The following PLXNC1 variants were observed in gnomAD, a reference collection of about 807,000 sequenced individuals.
PLXNC1 encodes plexin-C1.
PLXNC1 carries 75 observed loss-of-function variants against 178.2 expected under a neutral mutation model. The ratio of observed to expected loss-of-function variants is 0.42; its 90% CI spans 0.35 to 0.51. PLXNC1 has a LOEUF of 0.51. Ranked by LOEUF, PLXNC1 falls within the 20% of genes least tolerant of loss-of-function variation. The pLI, the probability that PLXNC1 is intolerant of heterozygous loss-of-function variation, is 0.02. For synonymous variants in PLXNC1, 790 were observed against 779.9 expected, an observed-to-expected ratio of 1.01 and a Z score of -0.22; for missense variants, 1,503 against 1,984.4, an observed-to-expected ratio of 0.76 and a Z score of 4.61.
chr12:94,228,729 G>C (rs1964013373), intron 9 of PLXNC1, among the ~76,000 whole-genome samples: 1 of 152,134 alleles, frequency 6.6e-6, no homozygotes, highest in South Asian at 2.1e-4. Flanking sequence ...GCATGGGTCA[G>C]AATTCCCTTC....
At chr12:94,252,507 C>T (rs575456779) in intron 15 of PLXNC1, among the ~76,000 whole-genome samples, 40 of 152,358 alleles carry the variant, frequency 2.6e-4, no homozygotes, top group Non-Finnish European at 3.8e-4. Context: ...CATCCACACA[C>T]AGTGAGCCCA....
At chr12:94,208,537 C>A (rs1269577148) in intron 4 of PLXNC1, among the ~76,000 whole-genome samples, 1 of 152,188 alleles carries the variant, frequency 6.6e-6, no homozygotes, top group East Asian at 1.9e-4. Context: ...CTCCGGGACT[C>A]CCCGTAGCTG....
chr12:94,255,019 C>A, intron 16 of PLXNC1, 131 bp downstream of exon 16: 1 of 915,400 alleles, frequency 1.1e-6, no homozygotes, highest in Non-Finnish European at 1.7e-6. Context: ...AAGGGCAGGG[C>A]CTGGGCCTGG....
intron 9 of PLXNC1, among the ~76,000 whole-genome samples, chr12:94,237,110 T>A (rs770194624): frequency 6.6e-6 from 1 of 152,206 alleles, no homozygotes; most frequent in African/African-American, 2.4e-5. Flanking sequence ...GGTTTAGACA[T>A]CCAACTACTT....
At position 94,254,794 on chromosome 12, in the gene PLXNC1, G is replaced by T. The variant is rs139238009; in HGVS notation, c.2889G>T (p.Val963=). The T allele has an allele frequency of 4.2e-5, 67 of 1,595,502 alleles. No individual in the cohort carries two copies. Among genetic ancestry groups the T allele is most frequent in the Middle Eastern group, 1.7e-4 (1 of 5,954 alleles). ...AGCATCTCTGTCTCTTAGCGGCCGT[G>T]GGGGTGACCAGGCACAAATCGAAGG... ...VLLVIVIFAA[V]GVTRHKSKEL... Residue 963 remains valine, a synonymous_variant, in exon 16 of 31, where the codon GTG becomes GTT. Coordinates refer to ENST00000258526, the MANE Select transcript of PLXNC1 (RefSeq NM_005761.3).
chr12:94,227,087 G>A, intron 8 of PLXNC1, 62 bp from the exon 9 acceptor site: 1 of 1,070,664 alleles, frequency 9.3e-7, no homozygotes, highest in Non-Finnish European at 1.5e-6. Flanking sequence ...TCTCTTTTAT[G>A]TTTGTTGCAC....
intron 9 of PLXNC1, among the ~76,000 whole-genome samples, chr12:94,236,837 C>G (rs1291438820): frequency 6.6e-6 from 1 of 151,976 alleles, no homozygotes; most frequent in East Asian, 1.9e-4. Context: ...GCATCTGTAA[C>G]ATAAAAGTGA....
intron 12 of PLXNC1, among the ~76,000 whole-genome samples, chr12:94,244,467 T>C (rs1964474162): frequency 6.6e-6 from 1 of 152,220 alleles, no homozygotes; most frequent in African/African-American, 2.4e-5. Flanking sequence ...AATCTTGTCA[T>C]GTGCTTCTCC....
intron 5 of PLXNC1, among the ~76,000 whole-genome samples, chr12:94,218,933 C>G (rs1455999530): frequency 6.6e-6 from 1 of 152,188 alleles, no homozygotes; most frequent in Non-Finnish European, 1.5e-5. Flanking sequence ...TCAAGGCACG[C>G]TGTCTTAAAT....
chr12:94,236,877 G>T (rs1964257251), intron 9 of PLXNC1, among the ~76,000 whole-genome samples: 1 of 152,080 alleles, frequency 6.6e-6, no homozygotes, highest in African/African-American at 2.4e-5. Context: ...ATCTTGAAAA[G>T]GGAAAATGAT....
rs1282430370 is a variant in PLXNC1, at chr12:94,259,341, G to A, written c.3092G>A (p.Gly1031Asp). The A allele has an allele frequency of 1.3e-6, 2 of 1,592,682 alleles. No homozygotes were observed. The highest frequency in any genetic ancestry group is 1.7e-6 in the Non-Finnish European group (2 of 1,172,514). Residue 1031 changes from glycine (G) to aspartate (D), a missense_variant, in exon 18 of 31, where the codon GGT (glycine) becomes GAT (aspartate). Around this residue, in one of 4 missense-constraint regions of PLXNC1, gnomAD observed 639 missense variants for 979.7 expected, o/e 0.65. Coordinates refer to ENST00000258526, the MANE Select transcript of PLXNC1 (RefSeq NM_005761.3). Reference protein sequence around the residue: ...FALRTFFPESGGFTHIFTEDM... With the variant: ...FALRTFFPESDGFTHIFTEDM... The stretch of plus-strand genomic sequence containing the variant: ...AAAGTGTCTCCTTCCTCTCAGTCAG[G>A]TGGCTTCACCCACATCTTCACTGAA...
chr12:94,303,821 T>G lies in PLXNC1; in HGVS notation c.4452T>G (p.Ser1484=). The change falls in exon 29 of 31, where the codon TCT becomes TCG. Residue 1484 remains serine (S), a synonymous_variant. Coordinates refer to ENST00000258526, the MANE Select transcript of PLXNC1 (RefSeq NM_005761.3). ...DIPTYKEEVK[S]YYKAIRDLPP... ...CAACCTACAAAGAAGAAGTAAAATC[T>G]TATTACAAAGCAATCAGGGATTTGC... 2 of 1,611,072 alleles carry G rather than the reference T, an allele frequency of 1.2e-6. No homozygotes were observed. The highest frequency in any genetic ancestry group is 4.5e-5 in the East Asian group (2 of 44,708).
intron 21 of PLXNC1, among the ~76,000 whole-genome samples, chr12:94,271,602 T>C (rs1375896907): frequency 6.6e-6 from 1 of 152,248 alleles, no homozygotes; most frequent in Non-Finnish European, 1.5e-5. Context: ...GGCAAGTCTC[T>C]CAACCTCTCA....
intron 21 of PLXNC1, among the ~76,000 whole-genome samples, chr12:94,268,224 G>GT (rs1413314300): frequency 6.6e-6 from 1 of 152,186 alleles, no homozygotes; most frequent in African/African-American, 2.4e-5. Context: ...TCTCCCTGAG[G>GT]TGTGGGGGAT....
At chr12:94,240,708 T>C in intron 11 of PLXNC1, 44 bp downstream of exon 11, 4 of 1,383,508 alleles carry the variant, frequency 2.9e-6, no homozygotes, top group African/African-American at 1.4e-5. Context: ...TGGTTAAAGG[T>C]CATATGCCCA....
intron 5 of PLXNC1, among the ~76,000 whole-genome samples, chr12:94,215,854 C>T (rs1285924947): frequency 6.6e-6 from 1 of 152,054 alleles, no homozygotes; most frequent in Non-Finnish European, 1.5e-5. Context: ...GAAGAACCAA[C>T]AGAAAATGAA....
intron 4 of PLXNC1, among the ~76,000 whole-genome samples, chr12:94,194,446 A>T (rs1378636858): frequency 6.6e-6 from 1 of 152,172 alleles, no homozygotes; most frequent in African/African-American, 2.4e-5. Context: ...GGCATTTATA[A>T]TTGGCCAGGT....
At chr12:94,214,108 A>G (rs532276665) in intron 5 of PLXNC1, among the ~76,000 whole-genome samples, 2 of 148,306 alleles carry the variant, frequency 1.3e-5, no homozygotes, top group South Asian at 4.2e-4. Flanking sequence ...TTTTTTTGAC[A>G]GGGTCTCCCT....
rs879942049 is a variant in PLXNC1, at chr12:94,262,502, C to G, written c.3450+1662C>G. On this transcript the variant is annotated intron_variant, in intron 20 of 30. Transcript: ENST00000258526. The stretch of plus-strand genomic sequence containing the variant: ...GCCCAAACAGCCTCCTTGAGCAAAG[C>G]ATTCTGGGTCAAGACTTCACAGTGC... 2.8e-5 allele frequency: 28 copies of G among 985,386 alleles called. No homozygotes were observed. In the Admixed American group the frequency reaches 7.4e-4, roughly 26 times the overall value. The allele number at this position is 985,386 out of a possible 1,614,324, so 61.0% of individuals were successfully genotyped here. A position where few individuals can be genotyped will look rare whatever the true frequency, so the allele number is the denominator to read the frequency against.
Sources: gnomAD v4.1 joint callset for allele counts (sites outside exome capture counted in the v4.1 genomes callset) on GRCh38, gnomAD v4.1.1 for gene constraint, gnomAD v4.1.1 regional missense constraint, MANE v1.5 for transcripts, NCBI Gene and HGNC (gene_info 2026-07-23, HGNC 2026-07-21) for gene names.